The following SSBP3 variants were observed in gnomAD, a reference collection of about 807,000 sequenced individuals.
SSBP3 encodes the protein single stranded DNA binding protein 3.
In SSBP3, 5 loss-of-function variants were observed where a neutral mutation model predicts 69.6. The ratio of observed to expected loss-of-function variants is 0.07; its 90% CI spans 0.04 to 0.15. The LOEUF is 0.15. Among genes scored for constraint, SSBP3 ranks in the 10% least tolerant of loss-of-function variants. The pLI is 1.00. For missense variants in SSBP3, 312 were observed against 534.0 expected (o/e 0.58, Z 4.10); for synonymous variants, 196 against 193.4 (o/e 1.01, Z -0.11).
chr1:54,281,504 G>A (rs766279234), exon 5 of SSBP3: 168 of 1,565,772 alleles, frequency 1.1e-4, no homozygotes, highest in Non-Finnish European at 1.4e-4. Flanking sequence ...TGCCAAGCAC[G>A]GGGCTCGGGG....
intron 5 of SSBP3, among the ~76,000 whole-genome samples, chr1:54,280,385 T>C (rs1020247615): frequency 2.0e-5 from 3 of 152,240 alleles, no homozygotes; most frequent in Non-Finnish European, 2.9e-5. Flanking sequence ...TGCTAAATTC[T>C]GGCCTATACC....
intron 4 of SSBP3, among the ~76,000 whole-genome samples, chr1:54,305,849 T>G (rs1645890330): frequency 1.3e-5 from 2 of 148,786 alleles, no homozygotes; most frequent in South Asian, 4.4e-4. Flanking sequence ...TATCTTGCTT[T>G]CTATCTAGCA....
chr1:54,257,524 G>A (rs1557468108), intron 6 of SSBP3, among the ~76,000 whole-genome samples: 1 of 152,138 alleles, frequency 6.6e-6, no homozygotes, highest in Non-Finnish European at 1.5e-5. Flanking sequence ...AAATGAAAGG[G>A]TAAGAAGGAC....
At chr1:54,261,608 G>C (rs1645018614) in intron 5 of SSBP3, among the ~76,000 whole-genome samples, 1 of 152,176 alleles carries the variant, frequency 6.6e-6, no homozygotes, top group African/African-American at 2.4e-5. Flanking sequence ...GACATCTCTG[G>C]TGAGGCTTCC....
intron 4 of SSBP3, among the ~76,000 whole-genome samples, chr1:54,366,336 T>C (rs1373961794): frequency 6.6e-6 from 1 of 152,168 alleles, no homozygotes; most frequent in Admixed American, 6.5e-5. Context: ...ATTTGCACCA[T>C]ATACTGGGCC....
intron 4 of SSBP3, among the ~76,000 whole-genome samples, chr1:54,401,327 C>G (rs1649276016): frequency 6.6e-6 from 1 of 152,060 alleles, no homozygotes; most frequent in Admixed American, 6.6e-5. Context: ...AGCTGAGGAT[C>G]TCAGAGTACA....
At chr1:54,261,052 C>CA (rs1557471685) in intron 5 of SSBP3, among the ~76,000 whole-genome samples, 1 of 152,250 alleles carries the variant, frequency 6.6e-6, no homozygotes, top group Non-Finnish European at 1.5e-5. Flanking sequence ...TCCACATCCA[C>CA]AGAGAACTCC....
At chr1:54,344,317 C>T (rs578122786) in intron 4 of SSBP3, among the ~76,000 whole-genome samples, 11 of 152,152 alleles carry the variant, frequency 7.2e-5, no homozygotes, top group East Asian at 3.8e-4. Context: ...GGAAAGAAGA[C>T]ACAAAACCAA....
intron 5 of SSBP3, among the ~76,000 whole-genome samples, chr1:54,269,954 G>C (rs1009675010): frequency 1.3e-5 from 2 of 152,212 alleles, no homozygotes; most frequent in Non-Finnish European, 2.9e-5. Context: ...TGATTGTGTG[G>C]GGGCCAGAGG....
chr1:54,408,101 C>T (rs944043116), upstream of SSBP3, among the ~76,000 whole-genome samples: 1 of 152,078 alleles, frequency 6.6e-6, no homozygotes, highest in Non-Finnish European at 1.5e-5. Flanking sequence ...CCAGGCCCTG[C>T]GGACACCTCT....
Position 54,366,470 on chromosome 1 carries a change from T to C in SSBP3, c.276+35391A>G, listed in dbSNP as rs534931762. On this transcript the variant is annotated intron_variant, in intron 4 of 17. Transcript: ENST00000610401. ...ACTTACCCAAAGTTACAGACTAGTATGCTGCTATTAAATTCTGGTTTGCTG... is the reference window on the plus strand; with the variant it reads ...ACTTACCCAAAGTTACAGACTAGTACGCTGCTATTAAATTCTGGTTTGCTG... Among the ~76,000 whole-genome samples, 47 of 152,356 alleles carry C rather than the reference T, an allele frequency of 3.1e-4. 1 individual carries two copies. The East Asian group carries it at 4.1e-3, about 13-fold the overall frequency.
chr1:54,236,965 CAAATT>C (rs1644505599), intron 14 of SSBP3: 1 of 152,164 alleles, frequency 6.6e-6, no homozygotes, highest in Non-Finnish European at 1.5e-5. Flanking sequence ...GAAATTTGCT[CAAATT>C]AACTGTGTAC....
At chr1:54,317,524 G>A (rs1035992165) in intron 4 of SSBP3, among the ~76,000 whole-genome samples, 12 of 150,468 alleles carry the variant, frequency 8.0e-5, no homozygotes, top group Middle Eastern at 3.4e-3. Flanking sequence ...GTGATAGAGC[G>A]AGACTCTCAA....
chr1:54,378,837 A>T (rs903890565), intron 4 of SSBP3, among the ~76,000 whole-genome samples: 1 of 152,220 alleles, frequency 6.6e-6, no homozygotes. Context: ...AAGGGACAGG[A>T]AAAGAGAGCC....
chr1:54,381,776 G>T (rs1337879911), intron 4 of SSBP3, among the ~76,000 whole-genome samples: 1 of 152,278 alleles, frequency 6.6e-6, no homozygotes, highest in Non-Finnish European at 1.5e-5. Flanking sequence ...CAGTGAGACA[G>T]GGTGCTGGGG....
chr1:54,315,854 G>A (rs1234405397), intron 4 of SSBP3, among the ~76,000 whole-genome samples: 1 of 151,900 alleles, frequency 6.6e-6, no homozygotes, highest in African/African-American at 2.4e-5. Flanking sequence ...TAGAGACAGG[G>A]TCGCGCCATA....
At chr1:54,259,754 G>A (rs528976979) in intron 5 of SSBP3, among the ~76,000 whole-genome samples, 9 of 152,308 alleles carry the variant, frequency 5.9e-5, no homozygotes, top group Middle Eastern at 6.8e-3. Flanking sequence ...ACAAGAACCC[G>A]AGGGCGCCGC....
At chr1:54,376,191 G>GGTGT (rs145081564) in intron 4 of SSBP3, among the ~76,000 whole-genome samples, 18 of 150,740 alleles carry the variant, frequency 1.2e-4, no homozygotes, top group Non-Finnish European at 1.8e-4. Context: ...TGCATGCGTG[G>GGTGT]GTGTGTGTGT....
chr1:54,244,994 A>AC (rs910901875), intron 9 of SSBP3, among the ~76,000 whole-genome samples: 1 of 151,268 alleles, frequency 6.6e-6, no homozygotes. Context: ...ATGATCATAT[A>AC]CCCCCCACCC....
Sources: allele counts gnomAD v4.1 joint callset (sites outside exome capture counted in the v4.1 genomes callset), GRCh38; gene constraint gnomAD v4.1.1; transcripts MANE v1.5; gene names NCBI Gene and HGNC (gene_info 2026-07-23, HGNC 2026-07-21).